MBP: variants seen among roughly 807,000 people sequenced by gnomAD.
MBP encodes Golli-MBP.
MBP carries 16 observed loss-of-function variants against 35.8 expected under a neutral mutation model. The observed-to-expected ratio is 0.45, with a 90% confidence interval of 0.30 to 0.68. The LOEUF (loss-of-function observed/expected upper bound fraction) is 0.68, where lower values mean the gene tolerates loss of function less well. Ranked by LOEUF, MBP falls within the 30% of genes least tolerant of loss-of-function variation. The pLI is 0.08. For synonymous variants in MBP, 143 were observed against 159.6 expected (o/e 0.90, Z 0.78); for missense variants, 380 against 404.7 (o/e 0.94, Z 0.52).
chr18:77,127,346 A>ACCAAT (rs1403722945), intron 1 of MBP: 4 of 152,214 alleles, frequency 2.6e-5, no homozygotes, highest in African/African-American at 9.7e-5. Context: ...CCCAAACCAA[A>ACCAAT]CCAAAACAAA....
chr18:77,028,815 G>GT (rs202236157), intron 3 of MBP, among the ~76,000 whole-genome samples: 1 of 81,472 alleles, frequency 1.2e-5, no homozygotes, highest in African/African-American at 3.4e-5. Flanking sequence ...CTTCTCAGAC[G>GT]GGGCGGCCGG....
chr18:77,014,580 AAAAC>A, intron 4 of MBP: 1 of 985,426 alleles, frequency 1.0e-6, no homozygotes, highest in South Asian at 4.7e-5. Flanking sequence ...AATAAAAATA[AAAAC>A]AAAACCAAAA....
chr18:77,012,876 A>G, intron 4 of MBP: 1 of 985,454 alleles, frequency 1.0e-6, no homozygotes, highest in Non-Finnish European at 1.2e-6. Context: ...TTAAATCATG[A>G]TACAACCACC....
At chr18:77,018,989 C>T (rs1460171615) in intron 3 of MBP, among the ~76,000 whole-genome samples, 68 of 149,168 alleles carry the variant, frequency 4.6e-4, no homozygotes, top group African/African-American at 1.5e-3. Flanking sequence ...TCCATCCATC[C>T]ATCCATCCAT....
intron 2 of MBP, among the ~76,000 whole-genome samples, chr18:77,099,545 C>T (rs1599243723): frequency 6.6e-6 from 1 of 152,360 alleles, no homozygotes; most frequent in East Asian, 1.9e-4. Flanking sequence ...CACGAGAAGA[C>T]TGACGCTCCC....
intron 3 of MBP, among the ~76,000 whole-genome samples, chr18:77,021,295 G>A (rs984586830): frequency 1.3e-5 from 2 of 152,124 alleles, no homozygotes; most frequent in African/African-American, 4.8e-5. Flanking sequence ...ACACACACAC[G>A]CAAACAGGCA....
At chr18:77,045,362 G>T (rs951358022) in intron 3 of MBP, among the ~76,000 whole-genome samples, 1 of 152,206 alleles carries the variant, frequency 6.6e-6, no homozygotes, top group Admixed American at 6.5e-5. Flanking sequence ...ATGCATCTCC[G>T]AATTGACCCG....
rs1340665210 is a variant in MBP, at chr18:77,131,040, AAC to A, written c.-26+1538_-26+1539del. Among the ~76,000 whole-genome samples the A allele has an allele frequency of 1.3e-5, 2 of 150,910 alleles. No individual in the cohort carries two copies. Among genetic ancestry groups the A allele is most frequent in the South Asian group, 2.1e-4 (1 of 4,764 alleles). On this transcript the variant is annotated intron_variant, in intron 1 of 8. Coordinates refer to ENST00000355994, the MANE Select transcript of MBP (RefSeq NM_001025101.2). The surrounding 1 kb of genome is among the most constrained non-coding windows in gnomAD (Gnocchi z 5.5). Reference sequence around the variant, plus strand: ...GTTTTTCCCACAAAAAAAAAAAAAAAACAAAACCTCAAAAAACAAAACACACA... The same window carrying A: ...GTTTTTCCCACAAAAAAAAAAAAAAAAAAACCTCAAAAAACAAAACACACA...
intron 3 of MBP, among the ~76,000 whole-genome samples, chr18:77,018,162 T>TATCC (rs1376612263): frequency 6.6e-6 from 1 of 151,404 alleles, no homozygotes; most frequent in Non-Finnish European, 1.5e-5. Context: ...TCCATCCATC[T>TATCC]ATCCATCCAT....
At chr18:77,046,279 G>A (rs1029506306) in intron 3 of MBP, among the ~76,000 whole-genome samples, 2 of 152,188 alleles carry the variant, frequency 1.3e-5, no homozygotes, top group Non-Finnish European at 2.9e-5. Context: ...TCTCAGGCAC[G>A]GAAGCTTACT....
chr18:77,105,380 G>T, intron 1 of MBP, 94 bp from the exon 2 acceptor site: 1 of 740,790 alleles, frequency 1.3e-6, no homozygotes, highest in Non-Finnish European at 2.4e-6. Context: ...TGTGATATAT[G>T]TAATGCCCAT....
intron 8 of MBP, chr18:76,983,928 T>G (rs1205081232): frequency 6.6e-6 from 1 of 151,986 alleles, no homozygotes; most frequent in Non-Finnish European, 1.5e-5. Flanking sequence ...AGACCCCTCC[T>G]CTCTGCACCC....
chr18:77,004,878 G>C (rs1970843046), intron 4 of MBP: 1 of 152,238 alleles, frequency 6.6e-6, no homozygotes, highest in Non-Finnish European at 1.5e-5. Flanking sequence ...ATGTGGTCGG[G>C]GCATATCTGG....
Position 76,988,375 on chromosome 18 carries a change from G to A in MBP, c.750+120C>T. ...CCCGATCCCAGCTGTGGGCAGAGAG[G>A]TCTCGAGAGGAGAGAAAAGGAGGCC... is the stretch of plus-strand genomic sequence containing the variant. On this transcript the variant is annotated intron_variant, in intron 7 of 8. Coordinates refer to ENST00000355994, the MANE Select transcript of MBP (RefSeq NM_001025101.2). This position sits in a 1 kb window ranked among gnomAD's most constrained non-coding sequence, Gnocchi z 5.2. 1 of 1,613,220 alleles carries A rather than the reference G, an allele frequency of 6.2e-7. No homozygotes were observed. The highest frequency in any genetic ancestry group is 8.5e-7 in the Non-Finnish European group (1 of 1,179,504).
At chr18:77,060,407 A>C (rs905866343) in intron 3 of MBP, among the ~76,000 whole-genome samples, 1 of 150,682 alleles carries the variant, frequency 6.6e-6, no homozygotes, top group African/African-American at 2.5e-5. Flanking sequence ...AGAGATGTTA[A>C]AGCATCCTGT....
intron 2 of MBP, among the ~76,000 whole-genome samples, chr18:77,072,983 C>T (rs1331156156): frequency 6.6e-6 from 1 of 152,176 alleles, no homozygotes; most frequent in Non-Finnish European, 1.5e-5. Flanking sequence ...GAATCTTCGC[C>T]CACTGCCATT....
rs990239833 is a variant in MBP at position 76,978,870 on chromosome 18, G to C, written c.*1557C>G. On this transcript the variant is annotated 3_prime_UTR_variant, in exon 9 of 9. Transcript: ENST00000355994. ...TTTATTGTTTTATTTCAATATTCAGGAACAGTGTACACTTTCCGTTCAGCC... is the reference window on the plus strand; with the variant it reads ...TTTATTGTTTTATTTCAATATTCAGCAACAGTGTACACTTTCCGTTCAGCC... 3.3e-5 allele frequency: 5 copies of C among 152,298 alleles called. No individual in the cohort carries two copies. Among genetic ancestry groups the C allele is most frequent in the African/African-American group, 1.2e-4 (5 of 41,550 alleles). The allele number at this position is 152,298 out of a possible 1,614,324, so 9.4% of individuals were successfully genotyped here.
At chr18:77,016,746 T>C in intron 4 of MBP, 86 bp downstream of exon 4, 2 of 1,538,644 alleles carry the variant, frequency 1.3e-6, no homozygotes, top group Non-Finnish European at 1.7e-6. Flanking sequence ...ACGTGCCAGT[T>C]CTTCCTCTAA....
Position 76,979,156 on chromosome 18 carries a change from T to C in MBP, c.*1271A>G, listed in dbSNP as rs1049004. On this transcript the variant is annotated 3_prime_UTR_variant, in exon 9 of 9. Coordinates refer to ENST00000355994, the MANE Select transcript of MBP (RefSeq NM_001025101.2). ...TCCTCATCTCCGTCCTCGGGGAGGG[T>C]GATGCCAGCGTGGGACTCTTTGGAA... is the stretch of plus-strand genomic sequence containing the variant. 59,900 of 151,984 alleles carry C rather than the reference T, an allele frequency of 0.39. 12,080 individuals are homozygous for C. The highest frequency in any genetic ancestry group is 0.48 in the African/African-American group (19,942 of 41,434). 9.4% of individuals were successfully genotyped at this position (151,984 alleles called of 1,614,324 possible). A position where few individuals can be genotyped will look rare whatever the true frequency, so the allele number is the denominator to read the frequency against.
Sources: gnomAD v4.1 joint callset for allele counts (sites outside exome capture counted in the v4.1 genomes callset) on GRCh38, gnomAD v4.1.1 for gene constraint, Gnocchi (gnomAD v3.1) non-coding constraint, MANE v1.5 for transcripts, NCBI Gene and HGNC (gene_info 2026-07-23, HGNC 2026-07-21) for gene names.